Variants in BTK observed in about 807,000 individuals in gnomAD.
BTK encodes the protein Bruton tyrosine kinase.
A neutral mutation model predicts 57.4 loss-of-function variants in BTK; 5 were observed. The ratio of observed to expected loss-of-function variants is 0.09; its 90% CI spans 0.05 to 0.18. The LOEUF is 0.18. Among genes scored for constraint, BTK ranks in the 10% least tolerant of loss-of-function variants. The pLI, the probability that BTK is intolerant of heterozygous loss-of-function variation, is 1.00. For synonymous variants in BTK, 154 were observed against 174.3 expected (o/e 0.88, Z 0.92); for missense variants, 194 against 501.2 (o/e 0.39, Z 5.85).
chrX:101,371,924 T>C (rs1307034253), intron 3 of BTK, among the ~76,000 whole-genome samples: 2 of 111,776 alleles, frequency 1.8e-5, no homozygotes, highest in Non-Finnish European at 3.8e-5. Context: ...ACTGGGAAAA[T>C]GGAGGTTTCT....
Position 101,363,580 on chromosome X carries a change from C to T in BTK, c.392-891G>A, listed in dbSNP as rs142035089. ...CTAAAAGTACAAAAATTACAGCGTG[C>T]CTGTAATCCCAGCTACTCGGGAGGC... On this transcript the variant is annotated intron_variant, in intron 5 of 18. Transcript: ENST00000308731. Among the ~76,000 whole-genome samples the T allele has an allele frequency of 5.4e-3, 595 of 109,213 alleles. 2 individuals are homozygous for T. Among genetic ancestry groups the T allele is most frequent in the Non-Finnish European group, 7.7e-3 (404 of 52,504 alleles). 94.8% of individuals were successfully genotyped at this position (109,213 alleles called of 115,157 possible).
Position 101,362,207 on chromosome X carries a change from T to C in BTK, c.554A>G (p.Lys185Arg). ...CTCAGGCGTTGGGGGAAGAGGCTTT[T>C]TTGTCTTCCGGTGAGAACTCCCAGG... Reference protein sequence around the residue: ...LKPGSSHRKTKKPLPPTPEED... With the variant: ...LKPGSSHRKTRKPLPPTPEED... Residue 185 changes from lysine to arginine, a missense_variant, in exon 7 of 19, where the codon AAA becomes AGA. Coordinates refer to ENST00000308731, the MANE Select transcript of BTK (RefSeq NM_000061.3). 1 of 1,211,823 alleles carries C rather than the reference T, an allele frequency of 8.3e-7. No individual in the cohort carries two copies. The highest frequency in any genetic ancestry group is 2.2e-5 in the Admixed American group (1 of 46,039).
chrX:101,379,089 G>A (rs1353647780), intron 1 of BTK, among the ~76,000 whole-genome samples: 13 of 107,631 alleles, frequency 1.2e-4, no homozygotes, highest in African/African-American at 4.1e-4. Context: ...CAGGAGAATC[G>A]CTTGAACTCG....
chrX:101,362,189 G>A lies in BTK; in HGVS notation c.572C>T (p.Thr191Met), dbSNP rs1555978785. ...HRKTKKPLPP[T>M]PEEDQILKKP... Reference sequence around the variant, plus strand: ...CCTGTATACCTGGTCCTCCTCAGGCGTTGGGGGAAGAGGCTTTTTTGTCTT... The same window carrying A: ...CCTGTATACCTGGTCCTCCTCAGGCATTGGGGGAAGAGGCTTTTTTGTCTT... Residue 191 changes from threonine to methionine, a missense_variant, in exon 7 of 19, where the codon ACG becomes ATG. This residue lies in a region of BTK where 115 missense variants were observed against 258.3 expected (regional missense o/e 0.45). Coordinates refer to ENST00000308731, the MANE Select transcript of BTK (RefSeq NM_000061.3). 7.4e-6 allele frequency: 9 copies of A among 1,211,712 alleles called. 1 individual carries two copies. The highest frequency in any genetic ancestry group is 4.5e-6 in the Non-Finnish European group (4 of 895,388).
At chrX:101,352,157 G>A (rs1555977159) in intron 18 of BTK, among the ~76,000 whole-genome samples, 1 of 91,925 alleles carries the variant, frequency 1.1e-5, no homozygotes, top group Non-Finnish European at 2.1e-5. Flanking sequence ...AGAAAGACTC[G>A]GTCTCAAAAA....
intron 5 of BTK, among the ~76,000 whole-genome samples, chrX:101,366,284 A>T (rs115533594): frequency 0.014 from 1,571 of 111,695 alleles, 31 homozygotes; most frequent in African/African-American, 0.048. Flanking sequence ...AAAATAAAAA[A>T]AAATAAATAA....
intron 5 of BTK, among the ~76,000 whole-genome samples, chrX:101,364,142 C>T (rs1344181556): frequency 9.2e-6 from 1 of 108,940 alleles, no homozygotes; most frequent in Admixed American, 1.0e-4. Flanking sequence ...GGTGTGGTGG[C>T]TCGCACCTGT....
At chrX:101,369,865 C>A in intron 5 of BTK, 133 bp downstream of exon 5, 5 of 548,009 alleles carry the variant, frequency 9.1e-6, no homozygotes, top group Non-Finnish European at 1.4e-5. Context: ...TTTTTTTCTT[C>A]TTTTCTCTCT....
At chrX:101,385,086 G>A (rs782715349) in intron 1 of BTK, among the ~76,000 whole-genome samples, 1 of 111,552 alleles carries the variant, frequency 9.0e-6, no homozygotes, top group Non-Finnish European at 1.9e-5. Flanking sequence ...GTGCTAGGCA[G>A]GCAGGGAGGA....
intron 7 of BTK, among the ~76,000 whole-genome samples, chrX:101,361,564 A>G (rs1555978661): frequency 9.0e-6 from 1 of 110,677 alleles, no homozygotes; most frequent in African/African-American, 3.3e-5. Flanking sequence ...TGTTAGTGCT[A>G]AGTGTTGAGT....
chrX:101,376,293 C>T (rs782304707), intron 1 of BTK, among the ~76,000 whole-genome samples: 5 of 112,087 alleles, frequency 4.5e-5, no homozygotes, highest in African/African-American at 1.6e-4. Flanking sequence ...TAATTCCGAA[C>T]TTTCATTGGA....
At chrX:101,350,088 G>GAA in intron 18 of BTK, 132 bp from the exon 19 acceptor site, 12 of 288,134 alleles carry the variant, frequency 4.2e-5, no homozygotes, top group South Asian at 1.8e-4. Flanking sequence ...GATTACAAAA[G>GAA]GAAAAAAAAA....
At chrX:101,353,105 C>T in intron 18 of BTK, 89 bp downstream of exon 18, 1 of 823,860 alleles carries the variant, frequency 1.2e-6, no homozygotes, top group Non-Finnish European at 1.8e-6. Context: ...AGAATGTGTG[C>T]AGCTATCAGT....
At position 101,369,665 on chromosome X, in the gene BTK, A is replaced by G. The variant is rs1339680331; in HGVS notation, c.391+333T>C. On this transcript the variant is annotated intron_variant, in intron 5 of 18. Transcript: ENST00000308731. Reference sequence around the variant, plus strand: ...TGGGAAACTCTTAGTCTAATATTTTATCTTTTATTCATATGATGGAATACT... The same window carrying G: ...TGGGAAACTCTTAGTCTAATATTTTGTCTTTTATTCATATGATGGAATACT... Among the ~76,000 whole-genome samples the G allele has an allele frequency of 1.8e-4, 20 of 111,661 alleles. No homozygotes were observed. Among genetic ancestry groups the G allele is most frequent in the Non-Finnish European group, 1.9e-5 (1 of 53,121 alleles).
At chrX:101,388,044 T>A (rs2147460201), upstream of BTK, among the ~76,000 whole-genome samples, 1 of 110,846 alleles carries the variant, frequency 9.0e-6, no homozygotes, top group African/African-American at 3.3e-5. Flanking sequence ...TTTTTTGTAT[T>A]TTTAGTAGAG....
intron 14 of BTK, 69 bp downstream of exon 14, chrX:101,356,715 A>G (rs1555977902): frequency 2.1e-5 from 24 of 1,153,573 alleles, no homozygotes; most frequent in Non-Finnish European, 2.7e-5. Context: ...TTTAAGCCTC[A>G]GTGGGTTGTT....
Position 101,358,704 on chromosome X carries a change from A to C in BTK, c.895-8T>G. ...GAAACCTCCTTCTTTCCCCTGAAAC[A>C]ACGAAAAAGAAGCTGTCTGTAGGAG... On this transcript the variant is annotated splice_region_variant and splice_polypyrimidine_tract_variant and intron_variant, in intron 10 of 18. Coordinates refer to ENST00000308731, the MANE Select transcript of BTK (RefSeq NM_000061.3). 2 of 1,198,443 alleles carry C rather than the reference A, an allele frequency of 1.7e-6. No homozygotes were observed. The highest frequency in any genetic ancestry group is 2.3e-6 in the Non-Finnish European group (2 of 883,585).
upstream of BTK, chrX:101,390,721 G>C (rs1409687885): frequency 2.2e-6 from 1 of 457,405 alleles, no homozygotes; most frequent in Non-Finnish European, 3.8e-6. Flanking sequence ...GAGGCCAGAG[G>C]ATCTGGGAAA....
intron 1 of BTK, among the ~76,000 whole-genome samples, chrX:101,377,330 G>C (rs1555981180): frequency 9.0e-6 from 1 of 111,576 alleles, no homozygotes; most frequent in African/African-American, 3.3e-5. Context: ...TGAGAGCCCT[G>C]TAATCATACC....
Sources: allele counts gnomAD v4.1 joint callset (sites outside exome capture counted in the v4.1 genomes callset), GRCh38; gene constraint gnomAD v4.1.1; regional missense constraint gnomAD v4.1.1; transcripts MANE v1.5; gene names NCBI Gene and HGNC (gene_info 2026-07-23, HGNC 2026-07-21).